XKR5: variants seen among roughly 807,000 people sequenced by gnomAD.
XKR5 encodes XK-related protein 5.
XKR5 carries 46 observed loss-of-function variants against 40.8 expected under a neutral mutation model. That is an observed-to-expected ratio of 1.13 (90% CI 0.89 to 1.44). The LOEUF (loss-of-function observed/expected upper bound fraction) is 1.44, where lower values mean the gene tolerates loss of function less well. Among genes scored for constraint, XKR5 ranks in the 40% most tolerant of loss-of-function variants. The pLI, the probability that XKR5 is intolerant of heterozygous loss-of-function variation, is 0.00. For synonymous variants in XKR5, 466 were observed against 356.1 expected (o/e 1.31, Z -3.48); for missense variants, 1,169 against 844.7 (o/e 1.38, Z -4.76).
In XKR5 at chr8:6,825,313, T is replaced by C. The variant is rs1469650471; in HGVS notation, c.279A>G (p.Glu93=). ...WDAALTSLQK[E]LEAPHRGWLQ... ...GCCAGCCTCGGTGGGGAGCCTCCAG[T>C]TCCTTCTGCAGACTGGTCAGTGCAG... Residue 93 remains glutamate, a synonymous_variant, in exon 3 of 7, where the codon GAA becomes GAG. Transcript: ENST00000618742. 3.1e-6 allele frequency: 5 copies of C among 1,603,468 alleles called. No homozygotes were observed. The highest frequency in any genetic ancestry group is 1.8e-5 in the Admixed American group (1 of 56,966).
chr8:6,810,720 C>T lies in XKR5; in HGVS notation c.*478G>A, dbSNP rs1315959176. 2 of 153,662 alleles carry T rather than the reference C, an allele frequency of 1.3e-5. No homozygotes were observed. Among genetic ancestry groups the T allele is most frequent in the African/African-American group, 4.8e-5 (2 of 41,458 alleles). 9.5% of individuals were successfully genotyped at this position (153,662 alleles called of 1,614,324 possible). ...ATTACAAGCACACAGGCCTTACCTA[C>T]TCCCAGAAAGCATGCAAATTATCTT... On this transcript the variant is annotated 3_prime_UTR_variant, in exon 7 of 7. Coordinates refer to ENST00000618742, the MANE Select transcript of XKR5 (RefSeq NM_207411.5).
intron 2 of XKR5, among the ~76,000 whole-genome samples, chr8:6,832,352 C>A (rs1210762438): frequency 6.6e-6 from 1 of 152,216 alleles, no homozygotes; most frequent in Non-Finnish European, 1.5e-5. Flanking sequence ...AACTATGCCA[C>A]CTTCCTGTTC....
chr8:6,817,688 C>T lies in XKR5; in HGVS notation c.808-1770G>A, dbSNP rs145048687. Among the ~76,000 whole-genome samples the T allele has an allele frequency of 2.3e-3, 346 of 152,288 alleles. 1 individual carries two copies. The highest frequency in any genetic ancestry group is 7.4e-3 in the African/African-American group (306 of 41,554). On this transcript the variant is annotated intron_variant, in intron 5 of 6. Coordinates refer to ENST00000618742, the MANE Select transcript of XKR5 (RefSeq NM_207411.5). ...TGGATAGGACCCTGGACTTCCTTTC[C>T]GAGCAGTTCCTTTAGAAAGCTTGCA...
At chr8:6,814,739 G>A (rs146092081) in intron 6 of XKR5, among the ~76,000 whole-genome samples, 221 of 152,316 alleles carry the variant, frequency 1.5e-3, no homozygotes, top group African/African-American at 5.0e-3. Context: ...GACCCGTGAC[G>A]TCTCATGAAG....
At chr8:6,822,791 C>T (rs913006094) in intron 4 of XKR5, among the ~76,000 whole-genome samples, 12 of 152,140 alleles carry the variant, frequency 7.9e-5, no homozygotes, top group Non-Finnish European at 1.2e-4. Context: ...ATTCATATTG[C>T]GTGTGCCTAG....
chr8:6,819,400 C>G (rs1375763409), intron 5 of XKR5, among the ~76,000 whole-genome samples: 1 of 152,230 alleles, frequency 6.6e-6, no homozygotes, highest in East Asian at 1.9e-4. Flanking sequence ...GCACTGTGGC[C>G]TCAGGCTTCC....
intron 1 of XKR5, among the ~76,000 whole-genome samples, chr8:6,834,030 G>A (rs1255580897): frequency 6.6e-6 from 1 of 152,168 alleles, no homozygotes; most frequent in South Asian, 2.1e-4. Flanking sequence ...GTTAGTCCCT[G>A]TGGGGTCACA....
At chr8:6,829,826 CTTTTTTTTTTTTTTTT>C (rs140715953) in intron 2 of XKR5, among the ~76,000 whole-genome samples, 3 of 63,530 alleles carry the variant, frequency 4.7e-5, no homozygotes, top group South Asian at 8.1e-4. Context: ...CAAATTCTTG[CTTTTTTTTTTTTTTTT>C]TTTTTTTTTT....
chr8:6,831,644 A>G (rs186773925), intron 2 of XKR5, among the ~76,000 whole-genome samples: 66 of 151,674 alleles, frequency 4.4e-4, no homozygotes, highest in African/African-American at 1.5e-3. Context: ...CACCTTTCCA[A>G]CCCTCAGTGC....
rs749595612 is a variant in XKR5, at chr8:6,821,878, C to T, written c.798G>A (p.Thr266=). ...GAAAAGTGCCACTTGCCATGTAGAA[C>T]GTGACCATCCTATTTCTAGAAGGGC... ...WDSPSRNRMV[T]FYMVMLLENI... is the part of the protein sequence containing the mutation. The change falls in exon 5 of 7, where the codon ACG becomes ACA. Residue 266 remains threonine, a synonymous_variant. Coordinates refer to ENST00000618742, the MANE Select transcript of XKR5 (RefSeq NM_207411.5). The T allele has an allele frequency of 2.0e-5, 33 of 1,613,096 alleles. No homozygotes were observed. The highest frequency in any genetic ancestry group is 8.4e-5 in the Admixed American group (5 of 59,880).
At chr8:6,835,395 G>T in intron 1 of XKR5, 41 bp downstream of exon 1, 1 of 1,403,694 alleles carries the variant, frequency 7.1e-7, no homozygotes, top group Non-Finnish European at 9.2e-7. Context: ...GTGGGGTTAG[G>T]GGCTGCAGGG....
At chr8:6,826,255 T>C (rs905135754) in intron 2 of XKR5, among the ~76,000 whole-genome samples, 1 of 152,150 alleles carries the variant, frequency 6.6e-6, no homozygotes, top group African/African-American at 2.4e-5. Flanking sequence ...TATGTTTATA[T>C]ATGTGTGTGC....
chr8:6,833,715 T>TCAAAA (rs138727806), intron 1 of XKR5, among the ~76,000 whole-genome samples: 4,993 of 152,032 alleles, frequency 0.033, 281 homozygotes, highest in African/African-American at 0.11. Flanking sequence ...GACTCTTGTC[T>TCAAAA]CAAAACAAAA....
intron 3 of XKR5, among the ~76,000 whole-genome samples, chr8:6,824,791 G>A (rs1238800440): frequency 6.6e-6 from 1 of 152,110 alleles, no homozygotes; most frequent in African/African-American, 2.4e-5. Flanking sequence ...CCAAAGTGCT[G>A]GGACTACAGG....
intron 2 of XKR5, among the ~76,000 whole-genome samples, chr8:6,831,053 T>G (rs1397489449): frequency 2.0e-5 from 3 of 152,186 alleles, no homozygotes; most frequent in Non-Finnish European, 4.4e-5. Flanking sequence ...ACCTCTCTCT[T>G]TGGGCTGCCA....
chr8:6,817,890 C>T (rs902219234), intron 5 of XKR5, among the ~76,000 whole-genome samples: 2 of 152,176 alleles, frequency 1.3e-5, no homozygotes, highest in African/African-American at 2.4e-5. Flanking sequence ...GTTTCTGCTC[C>T]CAGCAAGTGA....
chr8:6,830,792 T>A (rs1804732138), intron 2 of XKR5, among the ~76,000 whole-genome samples: 1 of 152,192 alleles, frequency 6.6e-6, no homozygotes. Flanking sequence ...ATTATTCAAG[T>A]TCGTTTTTTT....
At chr8:6,821,824 G>T (rs1313532111) in intron 5 of XKR5, 45 bp downstream of exon 5, 5 of 1,574,742 alleles carry the variant, frequency 3.2e-6, no homozygotes, top group East Asian at 2.3e-5. Flanking sequence ...CACCCCACTT[G>T]CTGTATACAC....
chr8:6,812,474 C>A (rs1803777004), intron 6 of XKR5, 135 bp from the exon 7 acceptor site: 3 of 872,654 alleles, frequency 3.4e-6, no homozygotes, highest in East Asian at 2.7e-5. Context: ...CTTGTTGGAG[C>A]CTCAGAACTG....
Sources: gnomAD v4.1 joint callset for allele counts (sites outside exome capture counted in the v4.1 genomes callset) on GRCh38, gnomAD v4.1.1 for gene constraint, MANE v1.5 for transcripts, NCBI Gene and HGNC (gene_info 2026-07-23, HGNC 2026-07-21) for gene names.